TTC9C: variants seen among roughly 807,000 people sequenced by gnomAD.
TTC9C encodes tetratricopeptide repeat protein 9C.
TTC9C carries 15 observed loss-of-function variants against 22.5 expected under a neutral mutation model. The ratio of observed to expected loss-of-function variants is 0.67; its 90% CI spans 0.45 to 1.03. The LOEUF (loss-of-function observed/expected upper bound fraction) is 1.03. TTC9C is among the 50% of genes least tolerant of loss of function. TTC9C has a pLI of 0.00. For synonymous variants in TTC9C, 92 were observed against 86.8 expected, an observed-to-expected ratio of 1.06 and a Z score of -0.33; for missense variants, 244 against 214.6, an observed-to-expected ratio of 1.14 and a Z score of -0.86.
In TTC9C at chr11:62,738,391, A is replaced by T. The variant is rs745440840; in HGVS notation, c.*9A>T. On this transcript the variant is annotated 3_prime_UTR_variant, in exon 3 of 3. Coordinates refer to ENST00000316461, the MANE Select transcript of TTC9C (RefSeq NM_173810.4). ...TGGGCATGTTTGGTTAACAAAGAAG[A>T]AAGATGCTCCTCCAGTTGAACTTAG... 2 of 1,582,716 alleles carry T rather than the reference A, an allele frequency of 1.3e-6. No individual in the cohort carries two copies. Among genetic ancestry groups the T allele is most frequent in the Non-Finnish European group, 1.7e-6 (2 of 1,153,878 alleles).
rs773016283 is a variant in TTC9C, at chr11:62,728,829, A to C, written c.-20A>C. 3 of 1,613,174 alleles carry C rather than the reference A, an allele frequency of 1.9e-6. No homozygotes were observed. Among genetic ancestry groups the C allele is most frequent in the Non-Finnish European group, 2.5e-6 (3 of 1,179,260 alleles). On this transcript the variant is annotated 5_prime_UTR_variant, in exon 1 of 3. Coordinates refer to ENST00000316461, the MANE Select transcript of TTC9C (RefSeq NM_173810.4). ...TTGCTCCTTCACTTCCCAGTTCCGC[A>C]AGAACCGTGGGCGACAGTTATGGAG...
rs562182149 is a variant in TTC9C at position 62,730,940 on chromosome 11, G to A, written c.238+1854G>A. Among the ~76,000 whole-genome samples, 5 of 150,796 alleles carry A rather than the reference G, an allele frequency of 3.3e-5. No homozygotes were observed. In the East Asian group the frequency reaches 9.8e-4, roughly 30 times the overall value. On this transcript the variant is annotated intron_variant, in intron 1 of 2. Coordinates refer to ENST00000316461, the MANE Select transcript of TTC9C (RefSeq NM_173810.4). ...GTCTCACTCTGTTGCTCAGGCTGGAGTGCAGTGGCGTGATCTCAGCTCACT... is the reference window on the plus strand; with the variant it reads ...GTCTCACTCTGTTGCTCAGGCTGGAATGCAGTGGCGTGATCTCAGCTCACT...
chr11:62,728,717 G>A lies in TTC9C; in HGVS notation c.-132G>A, dbSNP rs1353331837. ...CAAGCAAACCGCAGGTCCCTGTGGG[G>A]GGACTCTCCAGGAAGAAGGGTAATT... On this transcript the variant is annotated 5_prime_UTR_variant, in exon 1 of 3. Coordinates refer to ENST00000316461, the MANE Select transcript of TTC9C (RefSeq NM_173810.4). 3 of 862,796 alleles carry A rather than the reference G, an allele frequency of 3.5e-6. No homozygotes were observed. The highest frequency in any genetic ancestry group is 2.8e-5 in the South Asian group (2 of 70,272). 53.4% of individuals were successfully genotyped at this position (862,796 alleles called of 1,614,324 possible).
intron 1 of TTC9C, among the ~76,000 whole-genome samples, chr11:62,732,687 A>G (rs767578010): frequency 1.3e-4 from 20 of 151,862 alleles, no homozygotes; most frequent in Non-Finnish European, 2.5e-4. Context: ...TTGGGAGCCC[A>G]TGACAGGCAG....
Position 62,728,836 on chromosome 11 carries a change from G to A in TTC9C, c.-13G>A. The A allele has an allele frequency of 1.9e-6, 3 of 1,613,650 alleles. No individual in the cohort carries two copies. Among genetic ancestry groups the A allele is most frequent in the Non-Finnish European group, 2.5e-6 (3 of 1,179,610 alleles). On this transcript the variant is annotated 5_prime_UTR_variant, in exon 1 of 3. In the 5' UTR this introduces an upstream ATG that the reference lacks. Coordinates refer to ENST00000316461, the MANE Select transcript of TTC9C (RefSeq NM_173810.4). ...TTCACTTCCCAGTTCCGCAAGAACC[G>A]TGGGCGACAGTTATGGAGAAGCGTC... is the stretch of plus-strand genomic sequence containing the variant.
chr11:62,728,465 T>C, upstream of TTC9C: 1 of 466,462 alleles, frequency 2.1e-6, no homozygotes. Context: ...GGGGGGCGGG[T>C]CCAATAGAAA....
rs148092964 is a variant in TTC9C, at chr11:62,732,471, G to C, written c.239-2911G>C. On this transcript the variant is annotated intron_variant, in intron 1 of 2. Transcript: ENST00000316461. ...AAAAATACAAAAAAATTAGCCAGGCGTGGTGGTGCATGCCTGTAATCGCAT... is the reference window on the plus strand; with the variant it reads ...AAAAATACAAAAAAATTAGCCAGGCCTGGTGGTGCATGCCTGTAATCGCAT... Among the ~76,000 whole-genome samples, 18 of 152,168 alleles carry C rather than the reference G, an allele frequency of 1.2e-4. No individual in the cohort carries two copies. In the East Asian group the frequency reaches 2.9e-3, roughly 25 times the overall value.
intron 1 of TTC9C, among the ~76,000 whole-genome samples, chr11:62,733,960 C>T (rs1327528608): frequency 6.6e-6 from 1 of 151,948 alleles, no homozygotes; most frequent in Admixed American, 6.6e-5. Context: ...CTACTGCACT[C>T]CAGCCTGCAC....
chr11:62,737,027 G>A (rs1420903498), intron 2 of TTC9C, among the ~76,000 whole-genome samples: 6 of 151,604 alleles, frequency 4.0e-5, no homozygotes, highest in Non-Finnish European at 8.8e-5. Context: ...ATTAAACCCC[G>A]TTTCTAGTAA....
intron 1 of TTC9C, among the ~76,000 whole-genome samples, chr11:62,732,621 A>T (rs1565171092): frequency 6.7e-6 from 1 of 149,248 alleles, no homozygotes; most frequent in Non-Finnish European, 1.5e-5. Flanking sequence ...TCAAAAAAAA[A>T]AAAAATTAAT....
At chr11:62,731,278 C>T (rs2083846115) in intron 1 of TTC9C, among the ~76,000 whole-genome samples, 1 of 152,152 alleles carries the variant, frequency 6.6e-6, no homozygotes, top group African/African-American at 2.4e-5. Context: ...ATGCCCTGTC[C>T]CTTGAATGAC....
intron 2 of TTC9C, among the ~76,000 whole-genome samples, chr11:62,737,015 T>C (rs749901424): frequency 9.2e-5 from 14 of 151,642 alleles, no homozygotes; most frequent in Non-Finnish European, 1.9e-4. Context: ...CTGGCTAACA[T>C]GATTAAACCC....
chr11:62,730,216 A>G (rs1590909065), intron 1 of TTC9C, among the ~76,000 whole-genome samples: 3 of 151,944 alleles, frequency 2.0e-5, no homozygotes, highest in East Asian at 3.9e-4. Context: ...GCTGGGATAC[A>G]GGCGCGTGCC....
At chr11:62,735,091 C>T (rs2083895149) in intron 1 of TTC9C, among the ~76,000 whole-genome samples, 1 of 152,034 alleles carries the variant, frequency 6.6e-6, no homozygotes, top group Admixed American at 6.6e-5. Flanking sequence ...GACGGGGTTT[C>T]TCCATGTTGT....
At chr11:62,735,589 G>A (rs1195268631) in intron 2 of TTC9C, 25 bp downstream of exon 2, 4 of 1,577,658 alleles carry the variant, frequency 2.5e-6, no homozygotes, top group Non-Finnish European at 3.5e-6. Flanking sequence ...CTTTGAAATG[G>A]TAAAGACAAA....
Position 62,728,978 on chromosome 11 carries a change from A to T in TTC9C, c.130A>T (p.Ser44Cys), listed in dbSNP as rs1565168764. The change falls in exon 1 of 3, where the codon AGT becomes TGT. Residue 44 changes from serine to cysteine, a missense_variant. Coordinates refer to ENST00000316461, the MANE Select transcript of TTC9C (RefSeq NM_173810.4). ...GCTTCAGCTGCGGGGTCTGGATCCG[A>T]GTCTGCCCTCTCCGTTACCTAATCT... ...ALLQLRGLDP[S>C]LPSPLPNLGP... is the part of the protein sequence containing the mutation. 6.2e-7 allele frequency: 1 copy of T among 1,614,128 alleles called. No individual in the cohort carries two copies. The highest frequency in any genetic ancestry group is 8.5e-7 in the Non-Finnish European group (1 of 1,180,038).
intron 2 of TTC9C, among the ~76,000 whole-genome samples, chr11:62,737,962 C>G (rs774723420): frequency 2.6e-5 from 4 of 151,938 alleles, no homozygotes; most frequent in Non-Finnish European, 5.9e-5. Flanking sequence ...ACCCGGGAGG[C>G]GGAGGTTGCA....
intron 1 of TTC9C, among the ~76,000 whole-genome samples, chr11:62,734,130 C>A (rs2083883694): frequency 6.6e-6 from 1 of 151,764 alleles, no homozygotes; most frequent in African/African-American, 2.4e-5. Flanking sequence ...GAAAACCCAT[C>A]TCTACAAAAA....
chr11:62,731,666 C>T (rs2083850896), intron 1 of TTC9C, among the ~76,000 whole-genome samples: 1 of 151,796 alleles, frequency 6.6e-6, no homozygotes, highest in African/African-American at 2.4e-5. Context: ...ATTCTCTGTC[C>T]CGACATAGTT....
Sources: gnomAD v4.1 joint callset for allele counts (sites outside exome capture counted in the v4.1 genomes callset) on GRCh38, gnomAD v4.1.1 for gene constraint, MANE v1.5 for transcripts, NCBI Gene and HGNC (gene_info 2026-07-23, HGNC 2026-07-21) for gene names.